RB1: variants seen among roughly 807,000 people sequenced by gnomAD.
The protein encoded by RB1 is retinoblastoma-associated protein.
A neutral mutation model predicts 135.4 loss-of-function variants in RB1; 18 were observed. The observed-to-expected ratio is 0.13, with a 90% CI of 0.09 to 0.20. The LOEUF is 0.20. Ranked by LOEUF, RB1 falls within the 10% of genes least tolerant of loss-of-function variation. The pLI, the probability that RB1 is intolerant of heterozygous loss-of-function variation, is 1.00. For missense variants in RB1, 868 were observed against 1,110.0 expected (o/e 0.78, Z 3.10); for synonymous variants, 365 against 373.2 (o/e 0.98, Z 0.25).
chr13:48,411,408 T>C (rs760007920), intron 17 of RB1: 2 of 1,611,944 alleles, frequency 1.2e-6, no homozygotes, highest in East Asian at 4.5e-5. Flanking sequence ...AGATTCATTG[T>C]CAAATATCTT....
chr13:48,395,032 G>A (rs1029684332), intron 17 of RB1, among the ~76,000 whole-genome samples: 7 of 152,174 alleles, frequency 4.6e-5, no homozygotes, highest in South Asian at 2.1e-4. Context: ...CCTCTGGGAC[G>A]AAGCTTCCAG....
chr13:48,347,905 G>T (rs371791578), intron 5 of RB1, 42 bp downstream of exon 5: 8 of 1,418,858 alleles, frequency 5.6e-6, no homozygotes, highest in Non-Finnish European at 6.0e-6. Flanking sequence ...TAAAAAAAAA[G>T]ATTTTTATGG....
At chr13:48,349,153 C>A (rs1952524514) in intron 6 of RB1, 130 bp downstream of exon 6, 1 of 953,058 alleles carries the variant, frequency 1.0e-6, no homozygotes, top group Non-Finnish European at 1.4e-6. Flanking sequence ...GGCTTATTAA[C>A]TGTTAGCAAG....
intron 11 of RB1, among the ~76,000 whole-genome samples, chr13:48,371,409 G>A (rs1445656466): frequency 1.3e-5 from 2 of 152,132 alleles, no homozygotes; most frequent in African/African-American, 2.4e-5. Flanking sequence ...CCATTCCACT[G>A]AGGAATATGC....
chr13:48,423,790 G>A (rs977038768), intron 17 of RB1, among the ~76,000 whole-genome samples: 1 of 152,170 alleles, frequency 6.6e-6, no homozygotes, highest in African/African-American at 2.4e-5. Context: ...CACTCCTGTA[G>A]TCGAAGCTAC....
At chr13:48,365,284 A>G (rs4151491) in intron 9 of RB1, among the ~76,000 whole-genome samples, 3,154 of 152,304 alleles carry the variant, frequency 0.021, 95 homozygotes, top group African/African-American at 0.072. Context: ...ATAGCTAAAT[A>G]TAAACCATTA....
rs4151537 is a variant in RB1, at chr13:48,377,641, G to T, written c.1332+607G>T. On this transcript the variant is annotated intron_variant, in intron 13 of 26. Coordinates refer to ENST00000267163, the MANE Select transcript of RB1 (RefSeq NM_000321.3). ...GAGTCCACTGTACACATTTATTTCA[G>T]TGTAGTGAGGTTATATTTTGATGCC... Among the ~76,000 whole-genome samples, 395 of 152,268 alleles carry T rather than the reference G, an allele frequency of 2.6e-3. 1 individual carries two copies. The highest frequency in any genetic ancestry group is 9.0e-3 in the African/African-American group (376 of 41,548).
chr13:48,425,538 T>C (rs563434213), intron 17 of RB1, among the ~76,000 whole-genome samples: 29 of 152,290 alleles, frequency 1.9e-4, no homozygotes, highest in Admixed American at 7.8e-4. Context: ...CCAATTTCAC[T>C]AGGTGTTAAG....
intron 17 of RB1, among the ~76,000 whole-genome samples, chr13:48,408,125 A>AT (rs1948756223): frequency 6.6e-6 from 1 of 152,088 alleles, no homozygotes; most frequent in African/African-American, 2.4e-5. Flanking sequence ...CAATTTAGTG[A>AT]CTAATTTCTT....
chr13:48,447,100 C>T (rs1464508788), intron 17 of RB1, among the ~76,000 whole-genome samples: 1 of 152,056 alleles, frequency 6.6e-6, no homozygotes, highest in Non-Finnish European at 1.5e-5. Flanking sequence ...GAATTTAGAG[C>T]CAATATGACT....
In RB1 at chr13:48,319,054, G is replaced by T; in HGVS notation, c.264+11648G>T. ...TTGCTTCCGCGCGCGTCAGTTCAGCGGACGTGTCTGCCTGGCACGAGGACC... is the reference window on the plus strand; with the variant it reads ...TTGCTTCCGCGCGCGTCAGTTCAGCTGACGTGTCTGCCTGGCACGAGGACC... On this transcript the variant is annotated intron_variant, in intron 2 of 26. Transcript: ENST00000267163. This position sits in a 1 kb window ranked among gnomAD's most constrained non-coding sequence, Gnocchi z 5.0. 1.6e-6 allele frequency: 1 copy of T among 626,450 alleles called. No homozygotes were observed. The allele number at this position is 626,450 out of a possible 1,614,324, so 38.8% of individuals were successfully genotyped here.
At chr13:48,386,536 T>C (rs1404939641) in intron 17 of RB1, among the ~76,000 whole-genome samples, 8 of 152,204 alleles carry the variant, frequency 5.3e-5, no homozygotes, top group Non-Finnish European at 7.3e-5. Flanking sequence ...AACACATGTG[T>C]TACTTGTAAG....
At chr13:48,318,528 G>C (rs1349348370) in intron 2 of RB1, 1 of 899,498 alleles carries the variant, frequency 1.1e-6, no homozygotes. Flanking sequence ...GGGCCCCTTG[G>C]CTGCGCCCTC....
At chr13:48,344,528 T>A (rs1358924253) in intron 3 of RB1, among the ~76,000 whole-genome samples, 1 of 151,786 alleles carries the variant, frequency 6.6e-6, no homozygotes, top group Non-Finnish European at 1.5e-5. Flanking sequence ...AGTGAGGAAG[T>A]GTCTATGCTA....
At chr13:48,320,241 C>G in intron 2 of RB1, 1 of 1,117,114 alleles carries the variant, frequency 9.0e-7, no homozygotes, top group South Asian at 1.4e-5. Context: ...TGGCAGCTGG[C>G]TTGGCGTCTG....
In RB1 at chr13:48,318,922, G is replaced by A. The variant is rs1321202236; in HGVS notation, c.264+11516G>A. On this transcript the variant is annotated intron_variant, in intron 2 of 26. Transcript: ENST00000267163. ...CGCTGTCCACGGAGCTACTGTCGCC[G>A]TCAGAGCGGGAAGGCACGTTCAGGG... The A allele has an allele frequency of 6.8e-6, 8 of 1,173,456 alleles. No individual in the cohort carries two copies. The African/African-American group carries it at 1.1e-4, about 15-fold the overall frequency. The allele number at this position is 1,173,456 out of a possible 1,614,324, so 72.7% of individuals were successfully genotyped here. A position where few individuals can be genotyped will look rare whatever the true frequency, so the allele number is the denominator to read the frequency against.
intron 2 of RB1, among the ~76,000 whole-genome samples, chr13:48,340,092 G>T (rs544780360): frequency 1.3e-5 from 2 of 152,082 alleles, no homozygotes; most frequent in Non-Finnish European, 2.9e-5. Context: ...GAGCAATTGG[G>T]TATCCAAATG....
intron 17 of RB1, among the ~76,000 whole-genome samples, chr13:48,432,205 G>A (rs976401637): frequency 2.6e-5 from 4 of 152,020 alleles, no homozygotes; most frequent in African/African-American, 7.2e-5. Flanking sequence ...GTTGTCTCAG[G>A]GAATTAACCT....
intron 17 of RB1, among the ~76,000 whole-genome samples, chr13:48,393,381 A>T (rs548164004): frequency 8.1e-4 from 123 of 152,230 alleles, no homozygotes; most frequent in Non-Finnish European, 1.0e-3. Context: ...TCATCTCTGG[A>T]CTGTGGACCA....
Sources: gnomAD v4.1 joint callset for allele counts (sites outside exome capture counted in the v4.1 genomes callset) on GRCh38, gnomAD v4.1.1 for gene constraint, Gnocchi (gnomAD v3.1) non-coding constraint, MANE v1.5 for transcripts, NCBI Gene and HGNC (gene_info 2026-07-23, HGNC 2026-07-21) for gene names.